Variants in PCDH11Y observed in about 807,000 individuals in gnomAD.
The protein encoded by PCDH11Y is protocadherin-11 Y-linked.
For synonymous variants in PCDH11Y, 9 were observed against 83.6 expected (o/e 0.11, Z 4.87); for missense variants, 12 against 224.8 (o/e 0.05, Z 6.05).
chrY:5,385,793 C>G, intron 2 of PCDH11Y, among the ~76,000 whole-genome samples: 1 of 33,423 alleles, frequency 3.0e-5, no homozygotes, highest in African/African-American at 1.2e-4. Context: ...TGTTTCTTGG[C>G]CACTTGTATA....
At chrY:5,412,831 C>T in intron 2 of PCDH11Y, among the ~76,000 whole-genome samples, 1 of 33,192 alleles carries the variant, frequency 3.0e-5, no homozygotes, top group Non-Finnish European at 7.4e-5. Flanking sequence ...ATTCAGTTTG[C>T]TAGTATTTTG....
intron 4 of PCDH11Y, among the ~76,000 whole-genome samples, chrY:5,673,736 A>G (rs1602958556): frequency 6.2e-5 from 2 of 32,144 alleles, no homozygotes; most frequent in East Asian, 1.6e-3. Context: ...ATATATATCT[A>G]ACTATAACCC....
intron 2 of PCDH11Y, among the ~76,000 whole-genome samples, chrY:5,149,241 C>T: frequency 3.1e-5 from 1 of 32,395 alleles, no homozygotes; most frequent in African/African-American, 1.2e-4. Flanking sequence ...TAATACTATT[C>T]CTTTTAAGAA....
intron 4 of PCDH11Y, among the ~76,000 whole-genome samples, chrY:5,672,561 A>G (rs1602958459): frequency 4.1e-4 from 13 of 31,427 alleles, no homozygotes; most frequent in African/African-American, 1.6e-3. Flanking sequence ...TTATAGGCAT[A>G]TAGTTGCTCA....
At chrY:5,379,748 G>C in intron 2 of PCDH11Y, among the ~76,000 whole-genome samples, 1 of 23,785 alleles carries the variant, frequency 4.2e-5, no homozygotes, top group Non-Finnish European at 9.6e-5. Context: ...CGAGCGGCCC[G>C]ATTCCGGGGG....
At chrY:5,137,220 AC>A (rs2124641901) in intron 2 of PCDH11Y, among the ~76,000 whole-genome samples, 1 of 25,066 alleles carries the variant, frequency 4.0e-5, no homozygotes, top group African/African-American at 1.6e-4. Flanking sequence ...TTTCAGACAA[AC>A]AAGTGCTGAC....
chrY:5,436,284 G>T, intron 2 of PCDH11Y, among the ~76,000 whole-genome samples: 1 of 33,311 alleles, frequency 3.0e-5, no homozygotes, highest in African/African-American at 1.2e-4. Context: ...AAGAAACAAA[G>T]AGTACTAAAT....
At chrY:5,557,247 T>C in intron 3 of PCDH11Y, among the ~76,000 whole-genome samples, 1 of 33,508 alleles carries the variant, frequency 3.0e-5, no homozygotes, top group African/African-American at 1.2e-4. Flanking sequence ...AATCTGTAAA[T>C]TGCTTTGGGC....
chrY:5,421,663 A>G, intron 2 of PCDH11Y, among the ~76,000 whole-genome samples: 4 of 31,256 alleles, frequency 1.3e-4, no homozygotes, highest in Admixed American at 3.0e-4. Flanking sequence ...TATCATCTCA[A>G]TGTACAAAAA....
intron 2 of PCDH11Y, among the ~76,000 whole-genome samples, chrY:5,477,095 T>G: frequency 3.0e-5 from 1 of 32,847 alleles, no homozygotes; most frequent in Non-Finnish European, 7.5e-5. Flanking sequence ...ATACCAGGAT[T>G]GCCACAAACA....
chrY:5,160,987 A>T, intron 2 of PCDH11Y, among the ~76,000 whole-genome samples: 14 of 33,209 alleles, frequency 4.2e-4, no homozygotes, highest in Non-Finnish European at 9.0e-4. Context: ...CCCGGTATGC[A>T]TATTGGCTGC....
At chrY:5,399,715 G>T in intron 2 of PCDH11Y, among the ~76,000 whole-genome samples, 4 of 30,663 alleles carry the variant, frequency 1.3e-4, no homozygotes, top group Non-Finnish European at 2.3e-4. Flanking sequence ...GGTCAGGCTG[G>T]TCGCGAACTC....
intron 4 of PCDH11Y, among the ~76,000 whole-genome samples, chrY:5,713,832 T>C: frequency 3.2e-5 from 1 of 31,152 alleles, no homozygotes; most frequent in Non-Finnish European, 7.7e-5. Context: ...GAACAGGAAT[T>C]AATTACATAG....
At chrY:5,275,762 C>T in intron 2 of PCDH11Y, among the ~76,000 whole-genome samples, 2 of 33,140 alleles carry the variant, frequency 6.0e-5, no homozygotes, top group African/African-American at 1.2e-4. Context: ...AAACTTCTTG[C>T]GGTTCTCTTC....
intron 3 of PCDH11Y, among the ~76,000 whole-genome samples, chrY:5,567,984 T>G: frequency 3.3e-5 from 1 of 30,595 alleles, no homozygotes; most frequent in Non-Finnish European, 7.8e-5. Flanking sequence ...AGCAAAAATA[T>G]TTTTTCTTTT....
At chrY:5,454,778 T>C in intron 2 of PCDH11Y, among the ~76,000 whole-genome samples, 1 of 33,385 alleles carries the variant, frequency 3.0e-5, no homozygotes, top group Non-Finnish European at 7.4e-5. Flanking sequence ...GTCCCAAGGC[T>C]ATGCAGGGCA....
At chrY:5,455,318 A>C in intron 2 of PCDH11Y, among the ~76,000 whole-genome samples, 1 of 33,546 alleles carries the variant, frequency 3.0e-5, no homozygotes, top group South Asian at 6.7e-4. Context: ...CCTGTACTTC[A>C]TGGTCCATAT....
At chrY:5,233,644 G>T (rs2052970757) in intron 2 of PCDH11Y, among the ~76,000 whole-genome samples, 1 of 33,345 alleles carries the variant, frequency 3.0e-5, no homozygotes, top group Non-Finnish European at 7.4e-5. Context: ...AATTTTATGT[G>T]CTCCATTTTA....
intron 2 of PCDH11Y, among the ~76,000 whole-genome samples, chrY:5,177,589 G>A: frequency 3.0e-5 from 1 of 33,038 alleles, no homozygotes; most frequent in Non-Finnish European, 7.5e-5. Flanking sequence ...CTTATGTTAA[G>A]TGAAATAGCC....
Sources: allele counts gnomAD v4.1 joint callset (sites outside exome capture counted in the v4.1 genomes callset), GRCh38; gene constraint gnomAD v4.1.1; transcripts MANE v1.5; gene names NCBI Gene and HGNC (gene_info 2026-07-23, HGNC 2026-07-21).